The following NPAS3 variants were observed in gnomAD, a reference collection of about 807,000 sequenced individuals.
NPAS3 encodes the protein neuronal PAS domain-containing protein 3.
Under a neutral mutation model 73.1 loss-of-function variants are expected in NPAS3, and 14 were observed. That is an observed-to-expected ratio of 0.19 (90% CI 0.13 to 0.30). The LOEUF (loss-of-function observed/expected upper bound fraction) is 0.30. NPAS3 is among the 10% of genes least tolerant of loss of function. The pLI is 1.00. For missense variants in NPAS3, 1,096 were observed against 1,250.0 expected, an observed-to-expected ratio of 0.88 and a Z score of 1.86; for synonymous variants, 620 against 541.5, an observed-to-expected ratio of 1.14 and a Z score of -2.01.
chr14:33,376,898 G>A (rs1472011857), intron 4 of NPAS3, among the ~76,000 whole-genome samples: 2 of 152,142 alleles, frequency 1.3e-5, no homozygotes, highest in African/African-American at 4.8e-5. Flanking sequence ...TTGACATGTA[G>A]AACACATTTG....
chr14:32,947,827 G>T (rs186914725), intron 1 of NPAS3, among the ~76,000 whole-genome samples: 1 of 152,106 alleles, frequency 6.6e-6, no homozygotes, highest in East Asian at 1.9e-4. Context: ...ATTGTTCTGT[G>T]TAAATGTAAT....
chr14:33,171,689 C>A (rs955240169), intron 2 of NPAS3, among the ~76,000 whole-genome samples: 2 of 152,158 alleles, frequency 1.3e-5, no homozygotes, highest in African/African-American at 2.4e-5. Context: ...TTTTCACTTT[C>A]GTATTATTTG....
chr14:33,036,971 G>A (rs1379894773), intron 1 of NPAS3, among the ~76,000 whole-genome samples: 1 of 152,160 alleles, frequency 6.6e-6, no homozygotes, highest in Non-Finnish European at 1.5e-5. Context: ...GCAGTTGAAA[G>A]CTAGAATTCT....
intron 5 of NPAS3, among the ~76,000 whole-genome samples, chr14:33,566,401 A>C (rs2055940276): frequency 6.6e-6 from 1 of 152,002 alleles, no homozygotes; most frequent in Non-Finnish European, 1.5e-5. Flanking sequence ...TGGGGGAAAA[A>C]GTTCCTCTGT....
At chr14:32,941,832 A>T (rs2036028887) in intron 1 of NPAS3, among the ~76,000 whole-genome samples, 1 of 152,218 alleles carries the variant, frequency 6.6e-6, no homozygotes, top group South Asian at 2.1e-4. Context: ...AAAAGGCAAC[A>T]ACCGCAAACT....
Position 33,624,587 on chromosome 14 carries a change from T to A in NPAS3, c.559-51624T>A, listed in dbSNP as rs545089817. ...CTATGTAGTTTTTTTTTTTTTTCAT[T>A]CTATTAATTAAAGCAGAATATTAAT... On this transcript the variant is annotated intron_variant, in intron 5 of 11. Transcript: ENST00000356141. Among the ~76,000 whole-genome samples the A allele has an allele frequency of 3.6e-3, 540 of 152,076 alleles. 3 individuals carry two copies. Among genetic ancestry groups the A allele is most frequent in the Middle Eastern group, 0.017 (5 of 294 alleles).
intron 2 of NPAS3, among the ~76,000 whole-genome samples, chr14:33,133,251 T>A (rs2043706128): frequency 6.6e-6 from 1 of 152,146 alleles, no homozygotes; most frequent in Non-Finnish European, 1.5e-5. Flanking sequence ...GGCAAGGATA[T>A]GCACACATAC....
In NPAS3 at chr14:33,800,118, G is replaced by A. The variant is rs765201497; in HGVS notation, c.1811G>A (p.Arg604Gln). The A allele has an allele frequency of 7.6e-6, 12 of 1,583,872 alleles. No homozygotes were observed. In the East Asian group the frequency reaches 2.3e-4, roughly 30 times the overall value. ...AAGCACCAGAAGCGCAAGAAAAGGC[G>A]GAAACGGCAAAAGGGCGGCAGCGCC... The change falls in exon 12 of 12, where the codon CGG becomes CAG. Residue 604 changes from arginine (R) to glutamine (Q), a missense_variant. Transcript: ENST00000356141. This position sits in a 1 kb window ranked among gnomAD's most constrained non-coding sequence, Gnocchi z 6.5.
intron 7 of NPAS3, among the ~76,000 whole-genome samples, chr14:33,772,006 A>G (rs566351580): frequency 6.6e-6 from 1 of 152,296 alleles, no homozygotes; most frequent in South Asian, 2.1e-4. Flanking sequence ...ACCTGAAAAT[A>G]AAAAGGGAAA....
intron 4 of NPAS3, among the ~76,000 whole-genome samples, chr14:33,396,248 GT>G (rs2047218150): frequency 6.6e-6 from 1 of 152,146 alleles, no homozygotes; most frequent in Non-Finnish European, 1.5e-5. Context: ...GCTGAATCAA[GT>G]ACAAGATGAT....
chr14:33,790,532 A>G (rs1458985699), intron 9 of NPAS3, among the ~76,000 whole-genome samples: 1 of 151,666 alleles, frequency 6.6e-6, no homozygotes, highest in East Asian at 1.9e-4. Flanking sequence ...GAATGATCCA[A>G]CTGATTTGCC....
intron 2 of NPAS3, among the ~76,000 whole-genome samples, chr14:33,109,671 T>C (rs1457771247): frequency 2.0e-5 from 3 of 152,116 alleles, no homozygotes; most frequent in Non-Finnish European, 4.4e-5. Flanking sequence ...ATGATAAAGT[T>C]GATTTTGTCT....
chr14:33,776,526 A>G (rs2062823442), intron 8 of NPAS3, among the ~76,000 whole-genome samples: 1 of 53,878 alleles, frequency 1.9e-5, no homozygotes, highest in Non-Finnish European at 3.3e-5. Flanking sequence ...CCTCTTAAAA[A>G]AAAAAAAAAA....
chr14:33,715,892 G>A (rs923353473), intron 6 of NPAS3, among the ~76,000 whole-genome samples: 2 of 152,154 alleles, frequency 1.3e-5, no homozygotes, highest in South Asian at 4.1e-4. Flanking sequence ...ATAAAGAGCA[G>A]TTCCACTGTG....
intron 3 of NPAS3, among the ~76,000 whole-genome samples, chr14:33,360,437 C>T (rs1164115946): frequency 6.6e-6 from 1 of 152,130 alleles, no homozygotes; most frequent in Non-Finnish European, 1.5e-5. Context: ...TGGGTATGAT[C>T]TAATTTTTTA....
At chr14:33,594,408 C>CATGG (rs2057168854) in intron 5 of NPAS3, among the ~76,000 whole-genome samples, 1 of 152,210 alleles carries the variant, frequency 6.6e-6, no homozygotes, top group South Asian at 2.1e-4. Context: ...GAATGAATAT[C>CATGG]TCAATTTATG....
At chr14:33,411,176 CTT>C (rs2047908274) in intron 4 of NPAS3, among the ~76,000 whole-genome samples, 1 of 152,006 alleles carries the variant, frequency 6.6e-6, no homozygotes, top group South Asian at 2.1e-4. Context: ...TGTCTGGAGG[CTT>C]TTTGTTTTTT....
intron 4 of NPAS3, among the ~76,000 whole-genome samples, chr14:33,402,991 G>A (rs1374493964): frequency 1.3e-5 from 2 of 152,064 alleles, no homozygotes; most frequent in Non-Finnish European, 2.9e-5. Context: ...TGCCTCTGTA[G>A]GTGAACATGT....
intron 2 of NPAS3, among the ~76,000 whole-genome samples, chr14:33,206,499 T>C (rs1003402265): frequency 1.3e-5 from 2 of 151,860 alleles, no homozygotes. Context: ...CATACAGTGC[T>C]CCCCCGCCAA....
Sources: gnomAD v4.1 joint callset for allele counts (sites outside exome capture counted in the v4.1 genomes callset) on GRCh38, gnomAD v4.1.1 for gene constraint, Gnocchi (gnomAD v3.1) non-coding constraint, MANE v1.5 for transcripts, NCBI Gene and HGNC (gene_info 2026-07-23, HGNC 2026-07-21) for gene names.